Variants in AUTS2 observed in about 807,000 individuals in gnomAD.
AUTS2 encodes activator of transcription and developmental regulator AUTS2, also known as autism susceptibility gene 2 protein.
A neutral mutation model predicts 112.4 loss-of-function variants in AUTS2; 17 were observed. That is an observed-to-expected ratio of 0.15 (90% CI 0.10 to 0.23). The LOEUF is 0.23. Ranked by LOEUF, AUTS2 falls within the 10% of genes least tolerant of loss-of-function variation. The pLI is 1.00. For missense variants in AUTS2, 1,510 were observed against 1,701.6 expected (o/e 0.89, Z 1.98); for synonymous variants, 751 against 702.7 (o/e 1.07, Z -1.09).
At chr7:70,748,300 C>T (rs1401287267) in intron 6 of AUTS2, among the ~76,000 whole-genome samples, 1 of 152,072 alleles carries the variant, frequency 6.6e-6, no homozygotes, top group East Asian at 1.9e-4. Context: ...ATTTTATTTT[C>T]CTACAAAGTA....
chr7:70,356,685 CT>C (rs1562904649), intron 4 of AUTS2, among the ~76,000 whole-genome samples: 1 of 152,122 alleles, frequency 6.6e-6, no homozygotes, highest in African/African-American at 2.4e-5. Context: ...TGTGTAGGTA[CT>C]TTTTTTCTTC....
At chr7:69,622,519 C>A (rs1439393838) in intron 1 of AUTS2, among the ~76,000 whole-genome samples, 1 of 152,100 alleles carries the variant, frequency 6.6e-6, no homozygotes, top group Non-Finnish European at 1.5e-5. Flanking sequence ...TGTCATTAAA[C>A]CTCTGGAAAT....
At chr7:69,635,992 T>C (rs1359258330) in intron 1 of AUTS2, among the ~76,000 whole-genome samples, 10 of 152,230 alleles carry the variant, frequency 6.6e-5, no homozygotes. Flanking sequence ...TGACGCTAAT[T>C]GAACTGGTTG....
At chr7:70,333,455 G>A (rs528138434) in intron 4 of AUTS2, among the ~76,000 whole-genome samples, 15 of 152,048 alleles carry the variant, frequency 9.9e-5, no homozygotes, top group African/African-American at 2.2e-4. Context: ...TCTTATTACC[G>A]GATATATACC....
At chr7:70,284,224 G>A (rs1337199350) in intron 4 of AUTS2, among the ~76,000 whole-genome samples, 1 of 152,044 alleles carries the variant, frequency 6.6e-6, no homozygotes, top group East Asian at 1.9e-4. Context: ...TTAATTTTTA[G>A]TGACTGCATA....
intron 5 of AUTS2, among the ~76,000 whole-genome samples, chr7:70,466,350 T>C (rs1797166885): frequency 6.6e-6 from 1 of 152,214 alleles, no homozygotes; most frequent in Admixed American, 6.5e-5. Flanking sequence ...CTCAGAACAT[T>C]GTCATAGTGA....
At chr7:70,575,687 C>G (rs1802134824) in intron 5 of AUTS2, among the ~76,000 whole-genome samples, 1 of 152,132 alleles carries the variant, frequency 6.6e-6, no homozygotes, top group African/African-American at 2.4e-5. Flanking sequence ...GCTATTAAGT[C>G]TGTGATGGGA....
At chr7:70,775,715 A>G (rs570278085) in intron 13 of AUTS2, among the ~76,000 whole-genome samples, 4 of 152,312 alleles carry the variant, frequency 2.6e-5, no homozygotes, top group African/African-American at 9.6e-5. Context: ...TCTCTCTTGC[A>G]CTTAGAAAAT....
chr7:70,347,003 T>G (rs1294430570), intron 4 of AUTS2, among the ~76,000 whole-genome samples: 1 of 152,146 alleles, frequency 6.6e-6, no homozygotes, highest in Non-Finnish European at 1.5e-5. Context: ...AGTGCTTGTT[T>G]TCCTTCCTGT....
chr7:70,253,041 A>G (rs113958068), intron 4 of AUTS2, among the ~76,000 whole-genome samples: 4 of 152,056 alleles, frequency 2.6e-5, no homozygotes, highest in African/African-American at 9.6e-5. Flanking sequence ...TTTTTTCTTT[A>G]TGTAGTCAAT....
intron 12 of AUTS2, 92 bp downstream of exon 12, chr7:70,774,191 C>T: frequency 4.2e-6 from 5 of 1,178,146 alleles, no homozygotes; most frequent in Non-Finnish European, 6.3e-6. Context: ...TTCCTTAGCT[C>T]CTTTGAGCGA....
chr7:70,642,607 G>A (rs1805899494), intron 5 of AUTS2, among the ~76,000 whole-genome samples: 1 of 152,080 alleles, frequency 6.6e-6, no homozygotes, highest in Admixed American at 6.5e-5. Flanking sequence ...GCCTTAACCT[G>A]ACTGACCTAC....
At chr7:70,697,103 CT>C (rs1253440989) in intron 5 of AUTS2, among the ~76,000 whole-genome samples, 2 of 152,106 alleles carry the variant, frequency 1.3e-5, no homozygotes, top group Non-Finnish European at 2.9e-5. Context: ...TATTCTTGAT[CT>C]AGGTATGACT....
intron 2 of AUTS2, among the ~76,000 whole-genome samples, chr7:69,940,617 G>A (rs1184587803): frequency 6.6e-6 from 1 of 152,190 alleles, no homozygotes; most frequent in Admixed American, 6.5e-5. Flanking sequence ...GACAAACGGA[G>A]CATTCAAGGG....
At chr7:70,155,198 G>A (rs1424184682) in intron 4 of AUTS2, among the ~76,000 whole-genome samples, 1 of 152,148 alleles carries the variant, frequency 6.6e-6, no homozygotes, top group Admixed American at 6.5e-5. Context: ...ATCATTTGGG[G>A]AGAACAGTGA....
chr7:69,607,536 CCA>C (rs1327836765), intron 1 of AUTS2, among the ~76,000 whole-genome samples: 2 of 152,188 alleles, frequency 1.3e-5, no homozygotes, highest in Non-Finnish European at 2.9e-5. Flanking sequence ...GAATTGCTTG[CCA>C]CAGTTTTCTT....
rs2129529272 is a variant in AUTS2 at position 69,847,063 on chromosome 7, T to C, written c.310-52223T>C. On this transcript the variant is annotated intron_variant, in intron 1 of 18. Transcript: ENST00000342771. ...AATGCACCTTAAGGCATTTTATAAA[T>C]TTGTCTTACTTTCCTTAATTTTTCC... is the stretch of plus-strand genomic sequence containing the variant. Among the ~76,000 whole-genome samples, 3 of 152,232 alleles carry C rather than the reference T, an allele frequency of 2.0e-5. No individual in the cohort carries two copies. The South Asian group carries it at 6.2e-4, about 32-fold the overall frequency.
At chr7:70,327,472 A>G (rs377700495) in intron 4 of AUTS2, among the ~76,000 whole-genome samples, 5 of 152,234 alleles carry the variant, frequency 3.3e-5, no homozygotes, top group East Asian at 1.9e-4. Context: ...GTACAGATCT[A>G]TTCTTCCAAA....
intron 1 of AUTS2, among the ~76,000 whole-genome samples, chr7:69,850,501 A>C (rs1792430342): frequency 6.7e-6 from 1 of 149,050 alleles, no homozygotes; most frequent in African/African-American, 2.5e-5. Context: ...GGGAATCAGC[A>C]TCCTTGCCAG....
Sources: allele counts gnomAD v4.1 joint callset (sites outside exome capture counted in the v4.1 genomes callset), GRCh38; gene constraint gnomAD v4.1.1; transcripts MANE v1.5; gene names NCBI Gene and HGNC (gene_info 2026-07-23, HGNC 2026-07-21).